MGST1: variants seen among roughly 807,000 people sequenced by gnomAD.
MGST1 encodes the protein microsomal glutathione S-transferase 1, also known as glutathione S-transferase 12.
Under a neutral mutation model 8.9 loss-of-function variants are expected in MGST1, and 5 were observed. The ratio of observed to expected loss-of-function variants is 0.56; its 90% confidence interval spans 0.29 to 1.19. The LOEUF is 1.19. MGST1 is among the 50% of genes most tolerant of loss of function. The probability of loss-of-function intolerance (pLI) is 0.08; values close to 1 mark genes in which losing one functional copy is unlikely to be tolerated. For synonymous variants in MGST1, 54 were observed against 67.8 expected (o/e 0.80, Z 1.00); for missense variants, 182 against 187.4 (o/e 0.97, Z 0.17).
In MGST1 at chr12:16,401,571, G is replaced by A. The variant is rs1313741449; in HGVS notation, n.778+17967G>A. 1.6e-6 allele frequency: 2 copies of A among 1,288,244 alleles called. No homozygotes were observed. Among genetic ancestry groups the A allele is most frequent in the South Asian group, 2.4e-5 (2 of 83,890 alleles). The allele number at this position is 1,288,244 out of a possible 1,614,324, so 79.8% of individuals were successfully genotyped here. A position where few individuals can be genotyped will look rare whatever the true frequency, so the allele number is the denominator to read the frequency against. On this transcript the variant is annotated intron_variant and non_coding_transcript_variant, in intron 1 of 1. Transcript: ENST00000359720. This position sits in a 1 kb window ranked among gnomAD's most constrained non-coding sequence, Gnocchi z 4.3. ...CAGCCATCAAAGTGCGAACAGGTTGGAGCAATAAGACTCGAAGCGAATACC... is the reference window on the plus strand; with the variant it reads ...CAGCCATCAAAGTGCGAACAGGTTGAAGCAATAAGACTCGAAGCGAATACC...
In MGST1 at chr12:16,559,488, C is replaced by T. The variant is rs1942309429; in HGVS notation, n.483-30040C>T. On this transcript the variant is annotated intron_variant and non_coding_transcript_variant, in intron 4 of 4. Coordinates refer to the MGST1 transcript ENST00000538857. This position sits in a 1 kb window ranked among gnomAD's most constrained non-coding sequence, Gnocchi z 4.1. ...TTAAGATCGCACAGCTTATTAGTGG[C>T]AGAGCCCATATTAGAATTTAGGTTT... is the stretch of plus-strand genomic sequence containing the variant. Among the ~76,000 whole-genome samples the T allele has an allele frequency of 6.6e-6, 1 of 152,176 alleles. No homozygotes were observed. Among genetic ancestry groups the T allele is most frequent in the African/African-American group, 2.4e-5 (1 of 41,446 alleles).
rs60838238 is a variant in MGST1 at position 16,559,798 on chromosome 12, G to GAAAAAAAAAAAAA, written n.483-29728_483-29716dup. Among the ~76,000 whole-genome samples the GAAAAAAAAAAAAA allele has an allele frequency of 7.2e-6, 1 of 138,312 alleles. No homozygotes were observed. The highest frequency in any genetic ancestry group is 1.6e-5 in the Non-Finnish European group (1 of 63,886). 90.7% of individuals were successfully genotyped at this position (138,312 alleles called of 152,430 possible). On this transcript the variant is annotated intron_variant and non_coding_transcript_variant, in intron 4 of 4. Transcript: ENST00000538857. The surrounding 1 kb of genome is among the most constrained non-coding windows in gnomAD (Gnocchi z 4.1). ...AAACTCCATCATCTCTATAAAAAAT[G>GAAAAAAAAAAAAA]AAAAAAAAAAAAAATTAGCCAGGCA...
chr12:16,385,928 A>G (rs1425736478), intron 1 of MGST1, among the ~76,000 whole-genome samples: 1 of 152,208 alleles, frequency 6.6e-6, no homozygotes, highest in African/African-American at 2.4e-5. Context: ...GTAATTGCCC[A>G]TAAAATGAGA....
At chr12:16,573,150 A>C (rs1314267108) in intron 4 of MGST1, among the ~76,000 whole-genome samples, 1 of 152,162 alleles carries the variant, frequency 6.6e-6, no homozygotes, top group Non-Finnish European at 1.5e-5. Context: ...AAAACATTAA[A>C]TAAATATATT....
intron 4 of MGST1, among the ~76,000 whole-genome samples, chr12:16,484,018 C>T (rs1485259583): frequency 1.3e-5 from 2 of 152,124 alleles, no homozygotes; most frequent in East Asian, 3.9e-4. Flanking sequence ...TACAGTGGGA[C>T]CAAATTAGAG....
intron 1 of MGST1, among the ~76,000 whole-genome samples, chr12:16,425,552 G>GGGATTACAA (rs1864758821): frequency 6.6e-6 from 1 of 152,078 alleles, no homozygotes; most frequent in Admixed American, 6.6e-5. Context: ...CCAAATTGCT[G>GGGATTACAA]GGATTACAAG....
rs918979793 is a variant in MGST1, at chr12:16,546,458, A to G, written n.483-43070A>G. On this transcript the variant is annotated intron_variant and non_coding_transcript_variant, in intron 4 of 4. Coordinates refer to the MGST1 transcript ENST00000538857. This position sits in a 1 kb window ranked among gnomAD's most constrained non-coding sequence, Gnocchi z 4.7. ...GCAGAGAATTCCAATTCACTTTTGAATGTAATGATCTGAACCAAACACAAA... is the reference window on the plus strand; with the variant it reads ...GCAGAGAATTCCAATTCACTTTTGAGTGTAATGATCTGAACCAAACACAAA... 6.6e-6 allele frequency among the ~76,000 whole-genome samples: 1 copy of G among 152,148 alleles called. No homozygotes were observed. Among genetic ancestry groups the G allele is most frequent in the Non-Finnish European group, 1.5e-5 (1 of 67,996 alleles).
intron 4 of MGST1, among the ~76,000 whole-genome samples, chr12:16,516,141 A>T (rs1941613423): frequency 6.6e-6 from 1 of 152,118 alleles, no homozygotes. Flanking sequence ...TGACTCAATC[A>T]GTTCTGGCTT....
At chr12:16,379,581 T>G, downstream of MGST1, among the ~76,000 whole-genome samples, 1 of 152,254 alleles carries the variant, frequency 6.6e-6, no homozygotes, top group East Asian at 1.9e-4. Flanking sequence ...GCATCAATGT[T>G]CACCAAGGAT....
upstream of MGST1, chr12:16,347,218 A>C (rs1591683318): frequency 6.6e-6 from 1 of 152,352 alleles, no homozygotes; most frequent in African/African-American, 2.4e-5. This position sits in a 1 kb window ranked among gnomAD's most constrained non-coding sequence, Gnocchi z 4.0. Context: ...ACATTCTGTC[A>C]TTGTCAGCCT....
At chr12:16,519,383 T>C (rs1488189439) in intron 4 of MGST1, among the ~76,000 whole-genome samples, 1 of 152,218 alleles carries the variant, frequency 6.6e-6, no homozygotes, top group Non-Finnish European at 1.5e-5. Context: ...TTATGGGTTA[T>C]AGAAAGACAG....
intron 4 of MGST1, chr12:16,549,181 A>G (rs1367267788): frequency 6.6e-6 from 1 of 152,072 alleles, no homozygotes; most frequent in Non-Finnish European, 1.5e-5. Context: ...TCTCCCCCAC[A>G]TATTTTTAAT....
chr12:16,506,505 T>C (rs986772325), intron 4 of MGST1, among the ~76,000 whole-genome samples: 1 of 152,130 alleles, frequency 6.6e-6, no homozygotes, highest in Non-Finnish European at 1.5e-5. Context: ...ATTGTCTCTC[T>C]ACAACCAAAA....
chr12:16,507,459 C>T (rs971223226), intron 4 of MGST1, among the ~76,000 whole-genome samples: 3 of 152,038 alleles, frequency 2.0e-5, no homozygotes, highest in African/African-American at 7.2e-5. Context: ...GATGTGGTTG[C>T]ACTGACTCAG....
At chr12:16,514,624 G>A (rs956506912) in intron 4 of MGST1, among the ~76,000 whole-genome samples, 1 of 149,688 alleles carries the variant, frequency 6.7e-6, no homozygotes, top group Non-Finnish European at 1.5e-5. Context: ...GTCACCTCCA[G>A]CAATGTGGGC....
chr12:16,580,425 GT>G (rs1351834900), intron 4 of MGST1, among the ~76,000 whole-genome samples: 8 of 152,226 alleles, frequency 5.3e-5, no homozygotes, highest in African/African-American at 1.7e-4. Context: ...ATAAGTGAAT[GT>G]CATGAAAATG....
chr12:16,378,265 T>C (rs1405170605), downstream of MGST1, among the ~76,000 whole-genome samples: 2 of 152,236 alleles, frequency 1.3e-5, no homozygotes, highest in African/African-American at 4.8e-5. Flanking sequence ...TCTTCCAGGG[T>C]TTTTATGGTT....
At chr12:16,351,093 G>A (rs1190700610) in intron 1 of MGST1, among the ~76,000 whole-genome samples, 1 of 152,100 alleles carries the variant, frequency 6.6e-6, no homozygotes, top group Non-Finnish European at 1.5e-5. Context: ...ATTTCATTCT[G>A]GGAACATTAG....
intron 4 of MGST1, among the ~76,000 whole-genome samples, chr12:16,565,949 C>T (rs1323545886): frequency 7.8e-5 from 10 of 128,520 alleles, no homozygotes; most frequent in Non-Finnish European, 1.6e-4. Flanking sequence ...AACCTACATG[C>T]CCATCAATGG....
Sources: allele counts gnomAD v4.1 joint callset (sites outside exome capture counted in the v4.1 genomes callset), GRCh38; gene constraint gnomAD v4.1.1; non-coding constraint Gnocchi (gnomAD v3.1); transcripts MANE v1.5; gene names NCBI Gene and HGNC (gene_info 2026-07-23, HGNC 2026-07-21).